The following AKNAD1 variants were observed in gnomAD, a reference collection of about 807,000 sequenced individuals.
The protein encoded by AKNAD1 is protein AKNAD1.
Under a neutral mutation model 90.8 loss-of-function variants are expected in AKNAD1, and 67 were observed. The observed-to-expected ratio is 0.74, with a 90% CI of 0.61 to 0.90. The LOEUF (loss-of-function observed/expected upper bound fraction) is 0.90. Ranked by LOEUF, AKNAD1 falls within the 40% of genes least tolerant of loss-of-function variation. The probability of loss-of-function intolerance (pLI) is 0.00; values close to 1 mark genes in which losing one functional copy is unlikely to be tolerated. For synonymous variants in AKNAD1, 327 were observed against 341.4 expected (o/e 0.96, Z 0.46); for missense variants, 957 against 975.4 (o/e 0.98, Z 0.25).
chr1:108,828,265 G>A (rs1026247413), intron 10 of AKNAD1, among the ~76,000 whole-genome samples: 3 of 151,668 alleles, frequency 2.0e-5, no homozygotes, highest in African/African-American at 7.2e-5. Context: ...GAGGGAGCAC[G>A]TGAAGGTGAT....
intron 6 of AKNAD1, among the ~76,000 whole-genome samples, chr1:108,841,087 C>A (rs1349324666): frequency 2.0e-5 from 3 of 152,042 alleles, no homozygotes; most frequent in Non-Finnish European, 4.4e-5. Context: ...GCAGGAGAAT[C>A]GCTTGAACCT....
At chr1:108,846,447 A>G (rs976494508) in intron 5 of AKNAD1, among the ~76,000 whole-genome samples, 7 of 152,108 alleles carry the variant, frequency 4.6e-5, no homozygotes, top group African/African-American at 1.4e-4. Flanking sequence ...GATCTTGCTT[A>G]TCGTTGTTTC....
intron 7 of AKNAD1, among the ~76,000 whole-genome samples, chr1:108,836,484 G>A (rs1664391433): frequency 6.6e-6 from 1 of 152,096 alleles, no homozygotes; most frequent in Non-Finnish European, 1.5e-5. Context: ...GGGGATTGGG[G>A]GGCTTGGGGG....
At chr1:108,820,774 A>T (rs1663786005) in intron 13 of AKNAD1, 148 bp from the exon 14 acceptor site, 1 of 583,378 alleles carries the variant, frequency 1.7e-6, no homozygotes, top group African/African-American at 1.9e-5. Context: ...GACAACAAAG[A>T]ACTTTTGCTG....
chr1:108,842,310 A>G (rs568806871), intron 6 of AKNAD1, among the ~76,000 whole-genome samples: 2 of 152,334 alleles, frequency 1.3e-5, no homozygotes, highest in Non-Finnish European at 2.9e-5. Context: ...AATGCTATGA[A>G]TAGAAAGGGC....
chr1:108,840,140 T>C (rs569438796), intron 6 of AKNAD1, among the ~76,000 whole-genome samples: 8 of 152,226 alleles, frequency 5.3e-5, no homozygotes, highest in Admixed American at 4.6e-4. Context: ...GAAAAGAAAG[T>C]ACAATACAAA....
intron 5 of AKNAD1, among the ~76,000 whole-genome samples, chr1:108,847,643 C>T (rs941241567): frequency 6.6e-6 from 1 of 151,926 alleles, no homozygotes; most frequent in African/African-American, 2.4e-5. Flanking sequence ...CACTTCCTCA[C>T]CCCTGTGCCA....
chr1:108,837,976 T>C (rs1664436020), intron 6 of AKNAD1, among the ~76,000 whole-genome samples: 1 of 152,160 alleles, frequency 6.6e-6, no homozygotes, highest in Admixed American at 6.6e-5. Context: ...GGGATAACAA[T>C]ATTGTACCTT....
rs774463350 is a variant in AKNAD1 at position 108,823,251 on chromosome 1, A to G, written c.2167+119T>C. The G allele has an allele frequency of 2.2e-5, 18 of 819,810 alleles. No individual in the cohort carries two copies. The African/African-American group carries it at 2.9e-4, about 13-fold the overall frequency. The allele number at this position is 819,810 out of a possible 1,614,324, so 50.8% of individuals were successfully genotyped here. On this transcript the variant is annotated intron_variant, in intron 13 of 15. Transcript: ENST00000370001. The stretch of plus-strand genomic sequence containing the variant: ...TCAGGTGAGTGCACAAGACCTGGGC[A>G]GCAAAATGGAGAGGCCAGGGCTTCC...
intron 14 of AKNAD1, 106 bp from the exon 15 acceptor site, chr1:108,817,283 G>T: frequency 1.4e-6 from 2 of 1,441,670 alleles, no homozygotes; most frequent in Non-Finnish European, 9.3e-7. Flanking sequence ...GTTTGGGTGT[G>T]GGTGGATTCG....
rs1211754819 is a variant in AKNAD1, at chr1:108,822,962, T to C, written c.2167+408A>G. The C allele has an allele frequency of 2.8e-5, 15 of 533,566 alleles. No homozygotes were observed. The Admixed American group carries it at 4.5e-4, about 16-fold the overall frequency. The allele number at this position is 533,566 out of a possible 1,614,324, so 33.1% of individuals were successfully genotyped here. A position where few individuals can be genotyped will look rare whatever the true frequency, so the allele number is the denominator to read the frequency against. ...TTGGAAGTTAGCAACATGATGTCTA[T>C]GGAGTGTAAAAATAGTCTACTTCTC... On this transcript the variant is annotated intron_variant, in intron 13 of 15. Coordinates refer to ENST00000370001, the MANE Select transcript of AKNAD1 (RefSeq NM_152763.5).
intron 9 of AKNAD1, among the ~76,000 whole-genome samples, chr1:108,831,676 C>G (rs1465575256): frequency 6.7e-6 from 1 of 149,064 alleles, no homozygotes; most frequent in African/African-American, 2.5e-5. Context: ...CGGAGTCTCA[C>G]TCTGTTGCCC....
chr1:108,852,605 A>C lies in AKNAD1; in HGVS notation c.60T>G (p.Asp20Glu). 6.2e-7 allele frequency: 1 copy of C among 1,610,122 alleles called. No individual in the cohort carries two copies. The highest frequency in any genetic ancestry group is 1.7e-4 in the Middle Eastern group (1 of 6,026). ...CTATCTTAATCTGAGAGAGGTCCCCATCATAAGGCAAATCCTCCTGCTTAT... is the reference window on the plus strand; with the variant it reads ...CTATCTTAATCTGAGAGAGGTCCCCCTCATAAGGCAAATCCTCCTGCTTAT... ...TTYKQEDLPY[D>E]GDLSQIKIGN... Residue 20 changes from aspartate (D) to glutamate (E), a missense_variant, in exon 2 of 16, where the codon GAT becomes GAG. Transcript: ENST00000370001.
At position 108,849,057 on chromosome 1, in the gene AKNAD1, A is replaced by G. The variant is rs2101212895; in HGVS notation, c.1037T>C (p.Ile346Thr). 2 of 1,589,306 alleles carry G rather than the reference A, an allele frequency of 1.3e-6. No homozygotes were observed. Among genetic ancestry groups the G allele is most frequent in the Admixed American group, 1.8e-5 (1 of 54,066 alleles). The change falls in exon 4 of 16, where the codon ATA becomes ACA. Residue 346 changes from isoleucine to threonine, a missense_variant. Physicochemically the swap from Ile to Thr is moderately conservative, Grantham distance 89 (BLOSUM62 -1). Transcript: ENST00000370001. ...VHIHQELLTG[I>T]ESEASLSKLS... is the part of the protein sequence containing the mutation. The stretch of plus-strand genomic sequence containing the variant: ...CTTAGAGAGACTTGCCTCAGATTCT[A>G]TTCCTATACAAGAAAGAACACATTT...
At position 108,837,629 on chromosome 1, in the gene AKNAD1, G is replaced by A; in HGVS notation, c.1457C>T (p.Thr486Ile). 6.2e-7 allele frequency: 1 copy of A among 1,614,160 alleles called. No individual in the cohort carries two copies. The highest frequency in any genetic ancestry group is 8.5e-7 in the Non-Finnish European group (1 of 1,180,010). Reference sequence around the variant, plus strand: ...ACTCACAGGAAGGGAAGGAGCTGAAGTATATTTGCTTTCATCCATTTTCTC... The same window carrying A: ...ACTCACAGGAAGGGAAGGAGCTGAAATATATTTGCTTTCATCCATTTTCTC... ...VKEKMDESKY[T>I]SAPSLPVSSP... The change falls in exon 7 of 16, where the codon ACT (threonine) becomes ATT (isoleucine). Residue 486 changes from threonine to isoleucine, a missense_variant. Thr to Ile is a moderately conservative substitution (Grantham distance 89). Coordinates refer to ENST00000370001, the MANE Select transcript of AKNAD1 (RefSeq NM_152763.5).
intron 11 of AKNAD1, among the ~76,000 whole-genome samples, chr1:108,824,802 C>T (rs1663942769): frequency 6.6e-6 from 1 of 151,506 alleles, no homozygotes; most frequent in South Asian, 2.1e-4. Flanking sequence ...GTTCAGCCTC[C>T]CAAAGTGCTG....
At chr1:108,836,500 A>AG (rs200837063) in intron 7 of AKNAD1, among the ~76,000 whole-genome samples, 2,817 of 151,838 alleles carry the variant, frequency 0.019, 32 homozygotes, top group Non-Finnish European at 0.026. Context: ...GGGGGTGAGG[A>AG]GGGTGGCTGA....
At chr1:108,842,921 C>T (rs139569787) in intron 6 of AKNAD1, among the ~76,000 whole-genome samples, 15 of 152,258 alleles carry the variant, frequency 9.9e-5, no homozygotes, top group African/African-American at 3.1e-4. Flanking sequence ...TTTGGGTGTT[C>T]CATCTGAGTC....
At chr1:108,827,668 G>T (rs1261306442) in intron 10 of AKNAD1, among the ~76,000 whole-genome samples, 1 of 150,930 alleles carries the variant, frequency 6.6e-6, no homozygotes, top group Non-Finnish European at 1.5e-5. Flanking sequence ...CAAAAAATTA[G>T]CTGGGCGCCG....
Sources: gnomAD v4.1 joint callset for allele counts (sites outside exome capture counted in the v4.1 genomes callset) on GRCh38, gnomAD v4.1.1 for gene constraint, MANE v1.5 for transcripts, NCBI Gene and HGNC (gene_info 2026-07-23, HGNC 2026-07-21) for gene names.